Variants in TACR3 observed in about 807,000 individuals in gnomAD.
TACR3 encodes the protein neuromedin-K receptor.
TACR3 carries 34 observed loss-of-function variants against 35.0 expected under a neutral mutation model. The observed-to-expected ratio is 0.97, with a 90% CI of 0.74 to 1.30. The LOEUF (loss-of-function observed/expected upper bound fraction) is 1.30. Among genes scored for constraint, TACR3 ranks in the 50% most tolerant of loss-of-function variants. The pLI is 0.00. For synonymous variants in TACR3, 233 were observed against 221.1 expected (o/e 1.05, Z -0.48); for missense variants, 558 against 591.7 (o/e 0.94, Z 0.59).
At chr4:103,644,419 T>C (rs745450802) in intron 3 of TACR3, among the ~76,000 whole-genome samples, 3 of 151,896 alleles carry the variant, frequency 2.0e-5, no homozygotes, top group Non-Finnish European at 4.4e-5. Context: ...AAAGAACAAA[T>C]TGCGTACATT....
chr4:103,660,490 T>C (rs1578247330), intron 1 of TACR3, among the ~76,000 whole-genome samples: 2 of 152,070 alleles, frequency 1.3e-5, no homozygotes, highest in African/African-American at 4.8e-5. Context: ...TCATGAACTT[T>C]ATCATGTTAA....
At chr4:103,640,622 T>G (rs1725335056) in intron 3 of TACR3, among the ~76,000 whole-genome samples, 1 of 151,986 alleles carries the variant, frequency 6.6e-6, no homozygotes, top group Non-Finnish European at 1.5e-5. Context: ...ATTCATTGTA[T>G]CTTTACTCTA....
At chr4:103,689,266 G>C (rs1381665275) in intron 1 of TACR3, among the ~76,000 whole-genome samples, 1 of 127,646 alleles carries the variant, frequency 7.8e-6, no homozygotes, top group Non-Finnish European at 1.6e-5. Flanking sequence ...CGGGGGAGGG[G>C]GGCGGGATAG....
chr4:103,595,291 A>T (rs777011490), intron 3 of TACR3, among the ~76,000 whole-genome samples: 4 of 152,168 alleles, frequency 2.6e-5, no homozygotes, highest in Non-Finnish European at 5.9e-5. Flanking sequence ...GGGACAGAGA[A>T]GGTTCAAATC....
chr4:103,602,707 A>G (rs1352151554), intron 3 of TACR3, among the ~76,000 whole-genome samples: 1 of 152,148 alleles, frequency 6.6e-6, no homozygotes, highest in Non-Finnish European at 1.5e-5. Flanking sequence ...AACAGCGGAT[A>G]TTGGTGAACC....
intron 1 of TACR3, among the ~76,000 whole-genome samples, chr4:103,694,241 G>A (rs1406017765): frequency 6.8e-6 from 1 of 147,964 alleles, no homozygotes; most frequent in African/African-American, 2.7e-5. Flanking sequence ...CTAACTGTAT[G>A]CTTGTGAAGC....
chr4:103,591,878 A>G (rs940824659), intron 3 of TACR3, among the ~76,000 whole-genome samples, 195 bp from the exon 4 acceptor site: 3 of 152,182 alleles, frequency 2.0e-5, no homozygotes, highest in Non-Finnish European at 4.4e-5. Flanking sequence ...CTATGTCACT[A>G]TTCATTTCTA....
intron 4 of TACR3, 83 bp downstream of exon 4, chr4:103,591,404 A>G: frequency 6.5e-7 from 1 of 1,544,834 alleles, no homozygotes; most frequent in South Asian, 1.1e-5. Context: ...TTTGAATTTG[A>G]ACCAAGAAAA....
At chr4:103,663,952 C>T (rs1426923984) in intron 1 of TACR3, among the ~76,000 whole-genome samples, 1 of 152,066 alleles carries the variant, frequency 6.6e-6, no homozygotes, top group Non-Finnish European at 1.5e-5. Context: ...TCAGCTTTTC[C>T]AAGGATTTTT....
At chr4:103,629,026 C>A (rs532973541) in intron 3 of TACR3, among the ~76,000 whole-genome samples, 32 of 152,250 alleles carry the variant, frequency 2.1e-4, no homozygotes, top group Middle Eastern at 3.4e-3. Context: ...TACACAGAAC[C>A]AATGACAAAA....
At chr4:103,654,610 T>C (rs1725693550) in intron 3 of TACR3, among the ~76,000 whole-genome samples, 1 of 149,100 alleles carries the variant, frequency 6.7e-6, no homozygotes, top group Non-Finnish European at 1.5e-5. Flanking sequence ...GACGAGTTAA[T>C]GGCTGCAGCA....
chr4:103,675,904 C>T (rs559090456), intron 1 of TACR3, among the ~76,000 whole-genome samples: 4 of 151,860 alleles, frequency 2.6e-5, no homozygotes, highest in Non-Finnish European at 5.9e-5. Context: ...AGATCTGAAC[C>T]GAAAAATCGA....
chr4:103,672,955 A>T (rs1726084447), intron 1 of TACR3, among the ~76,000 whole-genome samples: 1 of 152,190 alleles, frequency 6.6e-6, no homozygotes, highest in Non-Finnish European at 1.5e-5. Context: ...CTTTTATGTT[A>T]TGGAGATGGC....
At position 103,692,223 on chromosome 4, in the gene TACR3, G is replaced by A. The variant is rs116004520; in HGVS notation, c.548+26905C>T. On this transcript the variant is annotated intron_variant, in intron 1 of 4. Transcript: ENST00000304883. The stretch of plus-strand genomic sequence containing the variant: ...ACATTCTTGATTTTAAAATGTTTAC[G>A]TAAAAAGGTTTACCATGTAAACACT... Among the ~76,000 whole-genome samples the A allele has an allele frequency of 7.2e-3, 1,096 of 152,132 alleles. 4 individuals are homozygous for A. The highest frequency in any genetic ancestry group is 0.012 in the Non-Finnish European group (806 of 67,988).
At chr4:103,650,090 C>G (rs957563063) in intron 3 of TACR3, among the ~76,000 whole-genome samples, 3 of 152,072 alleles carry the variant, frequency 2.0e-5, no homozygotes, top group Admixed American at 6.6e-5. Context: ...TGCAGACTCA[C>G]AGAGATACTG....
intron 1 of TACR3, among the ~76,000 whole-genome samples, chr4:103,700,220 C>A (rs1267190803): frequency 6.6e-6 from 1 of 152,100 alleles, no homozygotes; most frequent in East Asian, 1.9e-4. Context: ...AAAGTAGTAT[C>A]ATCGAATATT....
intron 3 of TACR3, among the ~76,000 whole-genome samples, chr4:103,629,655 G>A (rs1398300500): frequency 6.6e-6 from 1 of 151,868 alleles, no homozygotes; most frequent in East Asian, 1.9e-4. Context: ...ACAAACAAAT[G>A]GAAGAACATT....
chr4:103,683,489 A>AT (rs1722150167), intron 1 of TACR3, among the ~76,000 whole-genome samples: 1 of 149,502 alleles, frequency 6.7e-6, no homozygotes, highest in Non-Finnish European at 1.5e-5. Flanking sequence ...AAAAAAAAAA[A>AT]AAAAAAGAGA....
At chr4:103,651,794 A>G (rs1336856681) in intron 3 of TACR3, among the ~76,000 whole-genome samples, 5 of 151,792 alleles carry the variant, frequency 3.3e-5, no homozygotes, top group African/African-American at 9.7e-5. Flanking sequence ...AAGGCTTTTT[A>G]GTCAGTCGGT....
Sources: allele counts gnomAD v4.1 joint callset (sites outside exome capture counted in the v4.1 genomes callset), GRCh38; gene constraint gnomAD v4.1.1; transcripts MANE v1.5; gene names NCBI Gene and HGNC (gene_info 2026-07-23, HGNC 2026-07-21).